Variants in MYZAP observed in about 807,000 individuals in gnomAD.
The protein encoded by MYZAP is GRINL1A complex locus upstream.
Under a neutral mutation model 69.4 loss-of-function variants are expected in MYZAP, and 66 were observed. The observed-to-expected ratio is 0.95, with a 90% CI of 0.78 to 1.17. The LOEUF is 1.17. Among genes scored for constraint, MYZAP ranks in the 50% most tolerant of loss-of-function variants. MYZAP has a pLI of 0.00. For missense variants in MYZAP, 611 were observed against 556.2 expected (o/e 1.10, Z -0.99); for synonymous variants, 256 against 205.9 (o/e 1.24, Z -2.09).
intron 6 of MYZAP, among the ~76,000 whole-genome samples, chr15:57,631,956 T>G (rs889087185): frequency 6.6e-6 from 1 of 152,178 alleles, no homozygotes; most frequent in Non-Finnish European, 1.5e-5. Flanking sequence ...CACTGACTTT[T>G]TCTCACCTCC....
At chr15:57,646,078 G>A (rs1476551385) in intron 10 of MYZAP, 1 of 1,100,574 alleles carries the variant, frequency 9.1e-7, no homozygotes, top group South Asian at 1.3e-5. Flanking sequence ...TGGGGGTAGG[G>A]GAAAGGAGCC....
intron 2 of MYZAP, 45 bp from the exon 3 acceptor site, chr15:57,617,988 C>G (rs1467230341): frequency 1.2e-5 from 19 of 1,591,658 alleles, no homozygotes; most frequent in Non-Finnish European, 1.5e-5. Context: ...GTGCATGAGG[C>G]CTAAAGAGTC....
At chr15:57,676,436 G>GTGTATATA (rs2039130155) in intron 12 of MYZAP, among the ~76,000 whole-genome samples, 1 of 20,078 alleles carries the variant, frequency 5.0e-5, no homozygotes, top group African/African-American at 9.1e-5. Context: ...ATATATATAT[G>GTGTATATA]TATATATATA....
At chr15:57,682,750 C>G (rs1322336345) in intron 12 of MYZAP, among the ~76,000 whole-genome samples, 1 of 152,162 alleles carries the variant, frequency 6.6e-6, no homozygotes, top group African/African-American at 2.4e-5. Flanking sequence ...TCCAGTCGTT[C>G]CAAAGGAGCA....
intron 5 of MYZAP, 23 bp from the exon 6 acceptor site, chr15:57,629,679 T>G (rs1249821434): frequency 1.2e-6 from 2 of 1,603,480 alleles, no homozygotes; most frequent in Non-Finnish European, 1.7e-6. Context: ...GATCTGGTTT[T>G]GTTTTTATTT....
rs1166236202 is a variant in MYZAP at position 57,625,993 on chromosome 15, G to T, written c.525+101G>T. 6.8e-6 allele frequency: 7 copies of T among 1,034,604 alleles called. No homozygotes were observed. In the South Asian group the frequency reaches 8.2e-5, roughly 12 times the overall value. 64.1% of individuals were successfully genotyped at this position (1,034,604 alleles called of 1,614,324 possible). A position where few individuals can be genotyped will look rare whatever the true frequency, so the allele number is the denominator to read the frequency against. On this transcript the variant is annotated intron_variant, in intron 5 of 12. Transcript: ENST00000267853. ...AAGTCACAGAACATCCTTAGCTCAT[G>T]ATTCAGAATTCTTTAAGCAGAACCA...
At chr15:57,614,839 A>G (rs1183670448) in intron 2 of MYZAP, among the ~76,000 whole-genome samples, 2 of 152,242 alleles carry the variant, frequency 1.3e-5, no homozygotes, top group African/African-American at 4.8e-5. Flanking sequence ...CCCTGGAAGA[A>G]GAGAAGTCAT....
intron 10 of MYZAP, among the ~76,000 whole-genome samples, chr15:57,650,571 C>A (rs1298450906): frequency 6.6e-6 from 1 of 152,128 alleles, no homozygotes; most frequent in Non-Finnish European, 1.5e-5. Context: ...GTATCTTGAG[C>A]AAATTATCCA....
intron 7 of MYZAP, among the ~76,000 whole-genome samples, chr15:57,632,962 C>A (rs1036020058): frequency 6.6e-6 from 1 of 152,152 alleles, no homozygotes; most frequent in Non-Finnish European, 1.5e-5. Flanking sequence ...TCTCTCCATG[C>A]CTGGAGTCTC....
At chr15:57,602,502 T>G (rs1246847306) in intron 1 of MYZAP, among the ~76,000 whole-genome samples, 1 of 152,202 alleles carries the variant, frequency 6.6e-6, no homozygotes, top group Non-Finnish European at 1.5e-5. Context: ...CATTTTTACT[T>G]GATTACCTCT....
intron 11 of MYZAP, among the ~76,000 whole-genome samples, chr15:57,667,472 A>G (rs1477507298): frequency 6.6e-6 from 1 of 152,124 alleles, no homozygotes; most frequent in Non-Finnish European, 1.5e-5. Context: ...AAGCAGGAAA[A>G]CCATGGAATT....
At chr15:57,676,436 GTA>G (rs1244767243) in intron 12 of MYZAP, among the ~76,000 whole-genome samples, 292 of 20,074 alleles carry the variant, frequency 0.015, no homozygotes, top group African/African-American at 0.025. Context: ...ATATATATAT[GTA>G]TATATATATA....
intron 1 of MYZAP, chr15:57,599,584 A>G: frequency 7.8e-7 from 1 of 1,287,620 alleles, no homozygotes; most frequent in East Asian, 5.6e-5. Context: ...TGCTTTGGGA[A>G]CCCCTGGGAA....
chr15:57,621,774 C>CT, intron 4 of MYZAP, 74 bp downstream of exon 4: 2 of 1,400,308 alleles, frequency 1.4e-6, no homozygotes, highest in Admixed American at 3.5e-5. Context: ...TGGCTAGTGC[C>CT]TAAAGATATT....
intron 5 of MYZAP, among the ~76,000 whole-genome samples, chr15:57,627,516 C>G (rs2036229341): frequency 6.6e-6 from 1 of 151,994 alleles, no homozygotes; most frequent in African/African-American, 2.4e-5. Context: ...GGCACTGATG[C>G]TGAGGACCAC....
At chr15:57,610,813 A>C (rs2035058293) in intron 2 of MYZAP, among the ~76,000 whole-genome samples, 1 of 152,148 alleles carries the variant, frequency 6.6e-6, no homozygotes, top group African/African-American at 2.4e-5. Context: ...AGGAGCTGGG[A>C]ATAGTGTCTG....
In MYZAP at chr15:57,658,773, C is replaced by CA. The variant is rs555064803; in HGVS notation, c.1120-2673dup. On this transcript the variant is annotated intron_variant, in intron 10 of 12. Coordinates refer to ENST00000267853, the MANE Select transcript of MYZAP (RefSeq NM_001018100.5). ...ATAATGGAGTCAAGTGGTGACAACCCAAAACATGATTGAATGTTTTTTCAT... is the reference window on the plus strand; with the variant it reads ...ATAATGGAGTCAAGTGGTGACAACCCAAAAACATGATTGAATGTTTTTTCAT... 2.5e-3 allele frequency among the ~76,000 whole-genome samples: 373 copies of CA among 152,198 alleles called. 1 individual carries two copies. The highest frequency in any genetic ancestry group is 4.4e-3 in the Non-Finnish European group (297 of 68,002).
At position 57,618,139 on chromosome 15, in the gene MYZAP, A is replaced by T; in HGVS notation, c.269A>T (p.Tyr90Phe). The change falls in exon 3 of 13, where the codon TAT (tyrosine) becomes TTT (phenylalanine). Residue 90 changes from tyrosine to phenylalanine, a missense_variant. Physicochemically the swap from Tyr to Phe is conservative, Grantham distance 22. Transcript: ENST00000267853. Reference protein sequence around the residue: ...DQNQQKEMVVYGWSTSQLKEE... With the variant: ...DQNQQKEMVVFGWSTSQLKEE... ...AATCAGCAGAAAGAAATGGTGGTGT[A>T]TGGGTGGTCCACCAGTCAGCTGAAA... The T allele has an allele frequency of 6.2e-7, 1 of 1,614,180 alleles. No individual in the cohort carries two copies. The highest frequency in any genetic ancestry group is 8.5e-7 in the Non-Finnish European group (1 of 1,180,026).
At position 57,671,573 on chromosome 15, in the gene MYZAP, T is replaced by A. The variant is rs2038868735; in HGVS notation, c.1204-3395T>A. On this transcript the variant is annotated intron_variant, in intron 11 of 12. Transcript: ENST00000267853. ...TTCCACAGTGCTCCATTTATTGTTTTCAGTCTTTTGTTTATCTACTTTCAA... is the reference window on the plus strand; with the variant it reads ...TTCCACAGTGCTCCATTTATTGTTTACAGTCTTTTGTTTATCTACTTTCAA... Among the ~76,000 whole-genome samples the A allele has an allele frequency of 2.0e-5, 3 of 152,182 alleles. No individual in the cohort carries two copies. In the South Asian group the frequency reaches 6.2e-4, roughly 32 times the overall value.
Sources: allele counts gnomAD v4.1 joint callset (sites outside exome capture counted in the v4.1 genomes callset), GRCh38; gene constraint gnomAD v4.1.1; transcripts MANE v1.5; gene names NCBI Gene and HGNC (gene_info 2026-07-23, HGNC 2026-07-21).